Variants in CEP70 observed in about 807,000 individuals in gnomAD.
CEP70 encodes the protein centrosomal protein 70.
A neutral mutation model predicts 90.9 loss-of-function variants in CEP70; 70 were observed. The observed-to-expected ratio is 0.77, with a 90% CI of 0.64 to 0.94. CEP70 has a LOEUF of 0.94. CEP70 is among the 40% of genes least tolerant of loss of function. The pLI is 0.00. For synonymous variants in CEP70, 220 were observed against 228.3 expected, an observed-to-expected ratio of 0.96 and a Z score of 0.33; for missense variants, 648 against 669.0, an observed-to-expected ratio of 0.97 and a Z score of 0.35.
chr3:138,554,786 G>A (rs1415236022), intron 6 of CEP70, among the ~76,000 whole-genome samples: 2 of 152,168 alleles, frequency 1.3e-5, no homozygotes, highest in Non-Finnish European at 2.9e-5. Context: ...CAGCAAATGA[G>A]TTTCTTGTAG....
Position 138,570,558 on chromosome 3 carries a change from C to G in CEP70, c.285-60G>C, listed in dbSNP as rs1361625431. 4.6e-6 allele frequency: 6 copies of G among 1,316,738 alleles called. No individual in the cohort carries two copies. In the East Asian group the frequency reaches 1.5e-4, roughly 32 times the overall value. 81.6% of individuals were successfully genotyped at this position (1,316,738 alleles called of 1,614,324 possible). ...ATTAAAAATAAATCGAATTACCAAG[C>G]ATATCCATATAAGAATGTATTGCCT... On this transcript the variant is annotated intron_variant, in intron 5 of 17. Coordinates refer to ENST00000264982, the MANE Select transcript of CEP70 (RefSeq NM_024491.4).
At chr3:138,551,395 C>T (rs1451948517) in intron 6 of CEP70, among the ~76,000 whole-genome samples, 1 of 152,130 alleles carries the variant, frequency 6.6e-6, no homozygotes, top group Non-Finnish European at 1.5e-5. Flanking sequence ...GAAAACACAT[C>T]AAAACAGAAC....
intron 6 of CEP70, among the ~76,000 whole-genome samples, chr3:138,565,735 T>A (rs943116393): frequency 6.6e-6 from 1 of 152,166 alleles, no homozygotes; most frequent in Non-Finnish European, 1.5e-5. Context: ...GAAGAAAACC[T>A]AGGCAATACC....
chr3:138,525,460 A>G, intron 11 of CEP70, 30 bp downstream of exon 11: 4 of 915,022 alleles, frequency 4.4e-6, no homozygotes, highest in Non-Finnish European at 6.3e-6. Context: ...ATCCTAATAA[A>G]AGAGGCAATT....
chr3:138,528,946 C>A (rs926795226), intron 10 of CEP70, among the ~76,000 whole-genome samples: 1 of 152,028 alleles, frequency 6.6e-6, no homozygotes, highest in South Asian at 2.1e-4. Flanking sequence ...GAGCTGAGAT[C>A]GCGCCACTGC....
intron 6 of CEP70, among the ~76,000 whole-genome samples, chr3:138,537,838 AT>A (rs1232528240): frequency 2.6e-5 from 4 of 152,156 alleles, no homozygotes; most frequent in Non-Finnish European, 5.9e-5. Flanking sequence ...AGTTGAAGCA[AT>A]CTGGCTTCAC....
rs35316028 is a variant in CEP70 at position 138,572,893 on chromosome 3, C to A, written c.35G>T (p.Ser12Ile). 7 of 1,611,100 alleles carry A rather than the reference C, an allele frequency of 4.3e-6. No individual in the cohort carries two copies. The highest frequency in any genetic ancestry group is 2.2e-5 in the South Asian group (2 of 90,698). Residue 12 changes from serine to isoleucine, a missense_variant, in exon 3 of 18, where the codon AGT becomes ATT. Ser to Ile is a moderately radical substitution (Grantham distance 142). Transcript: ENST00000264982. The stretch of plus-strand genomic sequence containing the variant: ...AGTCATGAGTCTGTCTGATGGTTGA[C>A]TGGAATCCTGGGGTTTAGGGGCTAC... ...FPVAPKPQDS[S>I]QPSDRLMTEK...
intron 1 of CEP70, chr3:138,593,676 T>G (rs974154622): frequency 6.6e-6 from 1 of 152,212 alleles, no homozygotes; most frequent in Non-Finnish European, 1.5e-5. Flanking sequence ...GAATCCGGAA[T>G]GAGGTTAATA....
intron 17 of CEP70, chr3:138,497,345 AAT>A: frequency 1.6e-6 from 2 of 1,254,038 alleles, no homozygotes; most frequent in East Asian, 5.7e-5. Context: ...AAAAAAAAAA[AAT>A]CTTTCAAATG....
intron 17 of CEP70, chr3:138,497,331 TAAA>T (rs539518473): frequency 4.6e-5 from 49 of 1,076,868 alleles, no homozygotes; most frequent in Admixed American, 3.2e-4. Context: ...AGCCATTCTT[TAAA>T]AAAAAAAAAA....
chr3:138,543,379 A>T (rs1479665474), intron 6 of CEP70, among the ~76,000 whole-genome samples: 1 of 152,180 alleles, frequency 6.6e-6, no homozygotes, highest in Non-Finnish European at 1.5e-5. Flanking sequence ...GAGTGTACAC[A>T]CACCTGACTG....
At chr3:138,539,998 A>C (rs1386230273) in intron 6 of CEP70, among the ~76,000 whole-genome samples, 1 of 152,258 alleles carries the variant, frequency 6.6e-6, no homozygotes, top group Non-Finnish European at 1.5e-5. Context: ...GAGCTTCTGC[A>C]TAGCAAAAGT....
chr3:138,556,675 G>A (rs367690949), intron 6 of CEP70, among the ~76,000 whole-genome samples: 17 of 152,078 alleles, frequency 1.1e-4, no homozygotes, highest in East Asian at 7.7e-4. Context: ...CTGGGCGTCC[G>A]GGGGAGACAT....
chr3:138,555,029 A>G lies in CEP70; in HGVS notation c.465+15289T>C, dbSNP rs1202738509. Among the ~76,000 whole-genome samples the G allele has an allele frequency of 3.9e-5, 6 of 152,246 alleles. No individual in the cohort carries two copies. The East Asian group carries it at 1.2e-3, about 29-fold the overall frequency. On this transcript the variant is annotated intron_variant, in intron 6 of 17. Coordinates refer to ENST00000264982, the MANE Select transcript of CEP70 (RefSeq NM_024491.4). ...CAGCACTCTGGGAGGCGGGTAGATC[A>G]TCTGAGGTCAGGAGTTCAAGACCAG...
At chr3:138,593,354 C>T (rs1414601496) in intron 1 of CEP70, among the ~76,000 whole-genome samples, 1 of 152,074 alleles carries the variant, frequency 6.6e-6, no homozygotes, top group Non-Finnish European at 1.5e-5. Flanking sequence ...GCCCGAGTAG[C>T]TGGGATTACA....
chr3:138,503,846 A>G (rs1467716224), intron 13 of CEP70, among the ~76,000 whole-genome samples: 2 of 152,210 alleles, frequency 1.3e-5, no homozygotes, highest in Non-Finnish European at 2.9e-5. Context: ...TCAGAACTTC[A>G]ACCGGTAATC....
At position 138,529,302 on chromosome 3, in the gene CEP70, A is replaced by G. The variant is rs760600558; in HGVS notation, c.781-15T>C. 6 of 1,580,938 alleles carry G rather than the reference A, an allele frequency of 3.8e-6. No individual in the cohort carries two copies. The highest frequency in any genetic ancestry group is 3.5e-5 in the South Asian group (3 of 86,380). On this transcript the variant is annotated splice_polypyrimidine_tract_variant and intron_variant, in intron 9 of 17. Transcript: ENST00000264982. ...TTCTGTAATGACTGCAACACATTTC[A>G]TAGAAAAATAATTAACTTTCTTAGA...
intron 11 of CEP70, among the ~76,000 whole-genome samples, chr3:138,523,580 AACAG>A (rs1485054674): frequency 1.3e-5 from 2 of 152,144 alleles, no homozygotes; most frequent in Non-Finnish European, 2.9e-5. Context: ...ATACACCAAT[AACAG>A]ACAAACAGAG....
At chr3:138,498,251 T>C (rs2034126222) in intron 16 of CEP70, 141 bp from the exon 17 acceptor site, 1 of 593,616 alleles carries the variant, frequency 1.7e-6, no homozygotes, top group East Asian at 3.1e-5. Context: ...GTCTTTTCTT[T>C]CTGAGCTTTT....
Sources: gnomAD v4.1 joint callset for allele counts (sites outside exome capture counted in the v4.1 genomes callset) on GRCh38, gnomAD v4.1.1 for gene constraint, MANE v1.5 for transcripts, NCBI Gene and HGNC (gene_info 2026-07-23, HGNC 2026-07-21) for gene names.